SLC8A1: variants seen among roughly 807,000 people sequenced by gnomAD.
The protein encoded by SLC8A1 is solute carrier family 8 member A1.
A neutral mutation model predicts 68.3 loss-of-function variants in SLC8A1; 18 were observed. The observed-to-expected ratio is 0.26, with a 90% CI of 0.18 to 0.39. The LOEUF (loss-of-function observed/expected upper bound fraction) is 0.39, where lower values mean the gene tolerates loss of function less well. Among genes scored for constraint, SLC8A1 ranks in the 10% least tolerant of loss-of-function variants. SLC8A1 has a pLI of 1.00. For synonymous variants in SLC8A1, 475 were observed against 415.5 expected (o/e 1.14, Z -1.74); for missense variants, 985 against 1,156.7 (o/e 0.85, Z 2.15).
chr2:40,243,599 C>A (rs944950349), intron 2 of SLC8A1, among the ~76,000 whole-genome samples: 11 of 152,154 alleles, frequency 7.2e-5, no homozygotes, highest in Non-Finnish European at 1.3e-4. Flanking sequence ...ACTAAGAAGT[C>A]TATTCAAATG....
intron 2 of SLC8A1, among the ~76,000 whole-genome samples, chr2:40,325,652 A>G (rs1478636502): frequency 6.6e-6 from 1 of 151,806 alleles, no homozygotes; most frequent in Non-Finnish European, 1.5e-5. Flanking sequence ...AAAAATAAGC[A>G]TCTCTTGGGC....
At position 40,425,367 on chromosome 2, in the gene SLC8A1, T is replaced by C. The variant is rs973232677; in HGVS notation, c.1808+3106A>G. On this transcript the variant is annotated intron_variant, in intron 2 of 7. Transcript: ENST00000406785. ...AAAATAAGATCAAAGATTAGGAATC[T>C]ATCTTGTTTTTGGAATCCAACAATC... Among the ~76,000 whole-genome samples the C allele has an allele frequency of 3.9e-5, 6 of 152,014 alleles. No homozygotes were observed. The South Asian group carries it at 1.2e-3, about 31-fold the overall frequency.
At chr2:40,142,776 G>A (rs1269688289) in intron 6 of SLC8A1, among the ~76,000 whole-genome samples, 1 of 152,148 alleles carries the variant, frequency 6.6e-6, no homozygotes, top group African/African-American at 2.4e-5. Context: ...GATTATCATG[G>A]TAGTTATCAT....
chr2:40,510,148 T>G (rs1706626661), intron 1 of SLC8A1, among the ~76,000 whole-genome samples: 1 of 152,136 alleles, frequency 6.6e-6, no homozygotes. Flanking sequence ...ATTTATTTAT[T>G]ATTTTTTTAC....
chr2:40,405,504 G>C (rs530920579), intron 2 of SLC8A1, among the ~76,000 whole-genome samples: 1 of 152,102 alleles, frequency 6.6e-6, no homozygotes, highest in Non-Finnish European at 1.5e-5. Flanking sequence ...CAGCACATCC[G>C]ACTAACTAGA....
At chr2:40,136,447 A>G (rs2148257690) in intron 7 of SLC8A1, among the ~76,000 whole-genome samples, 1 of 152,320 alleles carries the variant, frequency 6.6e-6, no homozygotes, top group African/African-American at 2.4e-5. Context: ...TCCTTGAGGC[A>G]GGAGGACTAA....
rs1304004070 is a variant in SLC8A1, at chr2:40,271,921, C to T, written c.1809-94066G>A. 2.6e-5 allele frequency among the ~76,000 whole-genome samples: 4 copies of T among 151,998 alleles called. No homozygotes were observed. The East Asian group carries it at 7.7e-4, about 29-fold the overall frequency. ...TCACTCTGTTGCCCGGGCTGGAATG[C>T]AGTGGAACCGTCATAGCTCACTGCA... On this transcript the variant is annotated intron_variant, in intron 2 of 7. Coordinates refer to ENST00000406785, the Ensembl canonical transcript of SLC8A1.
At chr2:40,378,243 A>C (rs920879761) in intron 2 of SLC8A1, among the ~76,000 whole-genome samples, 4 of 152,126 alleles carry the variant, frequency 2.6e-5, no homozygotes, top group African/African-American at 9.7e-5. Flanking sequence ...TGGGAGCTGC[A>C]ATTTCCTGGA....
intron 2 of SLC8A1, among the ~76,000 whole-genome samples, chr2:40,422,838 T>A (rs576126879): frequency 6.6e-6 from 1 of 152,306 alleles, no homozygotes; most frequent in Non-Finnish European, 1.5e-5. Context: ...AACCTTTTAT[T>A]TCAAATAGAA....
intron 2 of SLC8A1, among the ~76,000 whole-genome samples, chr2:40,291,525 C>T (rs943496846): frequency 2.6e-5 from 4 of 151,992 alleles, no homozygotes; most frequent in Non-Finnish European, 5.9e-5. Context: ...TTAGATGAGT[C>T]ACTAGGACAG....
At chr2:40,238,509 C>T (rs997820306) in intron 2 of SLC8A1, among the ~76,000 whole-genome samples, 1 of 152,166 alleles carries the variant, frequency 6.6e-6, no homozygotes, top group Non-Finnish European at 1.5e-5. Context: ...CTGTCTGGCA[C>T]TCCCTAGTGA....
At chr2:40,138,645 T>C (rs1371876111) in intron 7 of SLC8A1, among the ~76,000 whole-genome samples, 1 of 152,178 alleles carries the variant, frequency 6.6e-6, no homozygotes, top group African/African-American at 2.4e-5. Context: ...TTCCAGAGGT[T>C]GTTGATGGTT....
At chr2:40,424,304 T>A (rs1328516040) in intron 2 of SLC8A1, among the ~76,000 whole-genome samples, 1 of 151,808 alleles carries the variant, frequency 6.6e-6, no homozygotes, top group African/African-American at 2.4e-5. Flanking sequence ...TTTGTTCTAC[T>A]CTCAGAATTG....
intron 2 of SLC8A1, among the ~76,000 whole-genome samples, chr2:40,269,514 C>G (rs1456469901): frequency 2.0e-5 from 3 of 152,136 alleles, no homozygotes; most frequent in Non-Finnish European, 4.4e-5. Flanking sequence ...TCAGAAAGAT[C>G]CATTAGTTTA....
At chr2:40,418,676 G>A (rs1004544069) in intron 2 of SLC8A1, among the ~76,000 whole-genome samples, 7 of 152,186 alleles carry the variant, frequency 4.6e-5, no homozygotes, top group Admixed American at 6.5e-5. Context: ...ATTAAGAAGC[G>A]AAGTAGAAGA....
At chr2:40,459,720 A>G (rs1703232051) in intron 1 of SLC8A1, among the ~76,000 whole-genome samples, 1 of 152,196 alleles carries the variant, frequency 6.6e-6, no homozygotes, top group African/African-American at 2.4e-5. Flanking sequence ...CACAAAGTCA[A>G]CAGCATTGGT....
chr2:40,308,618 CAGTAAGCAGA>C (rs2073106248), intron 2 of SLC8A1, among the ~76,000 whole-genome samples: 1 of 150,694 alleles, frequency 6.6e-6, no homozygotes. Context: ...ATACTTTACT[CAGTAAGCAGA>C]AGGAATTTCT....
exon 8 of SLC8A1, chr2:40,097,992 T>G (rs979343699): frequency 5.8e-5 from 5 of 85,832 alleles, no homozygotes; most frequent in Non-Finnish European, 6.2e-5. Context: ...AAATATTATG[T>G]TTTTTTTTAA....
intron 2 of SLC8A1, among the ~76,000 whole-genome samples, chr2:40,230,075 C>T (rs1264158956): frequency 1.3e-5 from 2 of 152,154 alleles, no homozygotes; most frequent in Non-Finnish European, 2.9e-5. Flanking sequence ...CTGGCATCAT[C>T]AGAGCTAGGG....
Sources: allele counts gnomAD v4.1 joint callset (sites outside exome capture counted in the v4.1 genomes callset), GRCh38; gene constraint gnomAD v4.1.1; transcripts MANE v1.5; gene names NCBI Gene and HGNC (gene_info 2026-07-23, HGNC 2026-07-21).